Variants in RPS6KC1 observed in about 807,000 individuals in gnomAD.
RPS6KC1 encodes the protein ribosomal protein S6 kinase C1.
RPS6KC1 carries 54 observed loss-of-function variants against 103.8 expected under a neutral mutation model. That is an observed-to-expected ratio of 0.52 (90% CI 0.42 to 0.65). The LOEUF is 0.65. RPS6KC1 is among the 30% of genes least tolerant of loss of function. RPS6KC1 has a pLI of 0.00. For missense variants in RPS6KC1, 1,151 were observed against 1,253.8 expected (o/e 0.92, Z 1.24); for synonymous variants, 439 against 438.7 (o/e 1.00, Z -0.01).
chr1:213,534,045 T>A, the RPS6KC1 span, among the ~76,000 whole-genome samples: 1 of 152,218 alleles, frequency 6.6e-6, no homozygotes, highest in East Asian at 1.9e-4. Flanking sequence ...ATCTTTATGA[T>A]CTCTTTCCAG....
At chr1:213,742,274 C>T in the RPS6KC1 span, among the ~76,000 whole-genome samples, 1 of 152,156 alleles carries the variant, frequency 6.6e-6, no homozygotes, top group Non-Finnish European at 1.5e-5. Context: ...GAGAAAGATC[C>T]ACAGATAATT....
chr1:213,764,484 T>C, the RPS6KC1 span, among the ~76,000 whole-genome samples: 1 of 152,144 alleles, frequency 6.6e-6, no homozygotes, highest in Non-Finnish European at 1.5e-5. Flanking sequence ...GAACAAAAGA[T>C]ACAGGTGAGA....
chr1:213,349,116 AAAG>A, the RPS6KC1 span, among the ~76,000 whole-genome samples: 4 of 152,226 alleles, frequency 2.6e-5, no homozygotes, highest in Non-Finnish European at 5.9e-5. Flanking sequence ...GCTTAGGAAA[AAAG>A]AAGTATCTGC....
chr1:213,605,715 C>T, the RPS6KC1 span, among the ~76,000 whole-genome samples: 1 of 152,214 alleles, frequency 6.6e-6, no homozygotes, highest in South Asian at 2.1e-4. Flanking sequence ...AAGGCAATTT[C>T]CCCAGCCTGG....
the RPS6KC1 span, among the ~76,000 whole-genome samples, chr1:213,806,545 G>T: frequency 2.0e-5 from 3 of 148,528 alleles, no homozygotes; most frequent in African/African-American, 5.0e-5. Context: ...GGCCTTCTTT[G>T]TCTCTTTTGA....
chr1:213,309,630 C>T, the RPS6KC1 span, among the ~76,000 whole-genome samples: 2 of 152,152 alleles, frequency 1.3e-5, no homozygotes, highest in African/African-American at 4.8e-5. Context: ...CCTGCTTTGC[C>T]AATTCTTCTG....
the RPS6KC1 span, among the ~76,000 whole-genome samples, chr1:213,766,706 A>G: frequency 6.6e-6 from 1 of 152,090 alleles, no homozygotes; most frequent in Non-Finnish European, 1.5e-5. Flanking sequence ...TTTCTATAGT[A>G]ATTATGTGTC....
the RPS6KC1 span, among the ~76,000 whole-genome samples, chr1:213,384,118 T>C: frequency 1.3e-5 from 2 of 151,714 alleles, no homozygotes; most frequent in Non-Finnish European, 2.9e-5. Flanking sequence ...CTACTAAAAA[T>C]ACAAAAAATT....
At chr1:213,751,611 G>C in the RPS6KC1 span, among the ~76,000 whole-genome samples, 2 of 152,146 alleles carry the variant, frequency 1.3e-5, no homozygotes, top group Non-Finnish European at 2.9e-5. Flanking sequence ...TAACAGAGCA[G>C]GTGAGTGCCC....
chr1:213,626,578 T>C, the RPS6KC1 span, among the ~76,000 whole-genome samples: 3 of 152,260 alleles, frequency 2.0e-5, no homozygotes, highest in African/African-American at 7.2e-5. Flanking sequence ...TTTAAGTTTT[T>C]AATCCATCTT....
chr1:213,089,287 T>C (rs1202767824), intron 3 of RPS6KC1, among the ~76,000 whole-genome samples: 1 of 152,186 alleles, frequency 6.6e-6, no homozygotes, highest in East Asian at 1.9e-4. Context: ...CTGCCTGCTT[T>C]TGGCCTTTGA....
chr1:213,491,904 G>C, the RPS6KC1 span, among the ~76,000 whole-genome samples: 50,963 of 151,970 alleles, frequency 0.34, 9,189 homozygotes, highest in East Asian at 0.61. Context: ...AGGTTGTCAG[G>C]GGGAAGGTGT....
In RPS6KC1 at chr1:213,241,953, C is replaced by T. The variant is rs573814230; in HGVS notation, c.2477C>T (p.Ser826Leu). The T allele has an allele frequency of 1.1e-5, 18 of 1,614,032 alleles. No homozygotes were observed. In the East Asian group the frequency reaches 3.3e-4, roughly 30 times the overall value. ...ESLFRICSPL[S>L]GANEYIASTD... The stretch of plus-strand genomic sequence containing the variant: ...TTATTCCGTATTTGTAGTCCACTCT[C>T]AGGTGCTAATGAATATATTGCAAGC... Residue 826 changes from serine to leucine, a missense_variant, in exon 11 of 15, where the codon TCA becomes TTA. Physicochemically the swap from Ser to Leu is moderately radical, Grantham distance 145. Around this residue, in one of 3 missense-constraint regions of RPS6KC1, gnomAD observed 959 missense variants for 1,006.3 expected, o/e 0.95. Coordinates refer to ENST00000366960, the MANE Select transcript of RPS6KC1 (RefSeq NM_012424.6).
At chr1:213,203,620 G>A (rs2093243820) in intron 8 of RPS6KC1, among the ~76,000 whole-genome samples, 1 of 151,608 alleles carries the variant, frequency 6.6e-6, no homozygotes, top group African/African-American at 2.4e-5. Flanking sequence ...GAATATACAG[G>A]GGTATTTTCC....
chr1:213,299,724 T>A, the RPS6KC1 span, among the ~76,000 whole-genome samples: 1 of 152,214 alleles, frequency 6.6e-6, no homozygotes, highest in Non-Finnish European at 1.5e-5. Flanking sequence ...ATAGTTCACA[T>A]TCTTTTCTCA....
chr1:213,104,430 G>A (rs1231222191), intron 3 of RPS6KC1, 24 bp from the exon 4 acceptor site: 1 of 1,426,366 alleles, frequency 7.0e-7, no homozygotes, highest in Non-Finnish European at 9.9e-7. Context: ...CTTCCCTTAA[G>A]TGTTGATTCT....
the RPS6KC1 span, among the ~76,000 whole-genome samples, chr1:213,540,138 G>A: frequency 1.3e-5 from 2 of 152,032 alleles, no homozygotes; most frequent in African/African-American, 4.8e-5. Flanking sequence ...GTGAGATGGG[G>A]TTCTTGCTTT....
chr1:213,808,273 C>T, the RPS6KC1 span, among the ~76,000 whole-genome samples: 1 of 152,218 alleles, frequency 6.6e-6, no homozygotes, highest in Non-Finnish European at 1.5e-5. Context: ...CTCAGATCTC[C>T]AGCTACGTGC....
At chr1:213,787,573 GAT>G in the RPS6KC1 span, among the ~76,000 whole-genome samples, 4 of 152,108 alleles carry the variant, frequency 2.6e-5, no homozygotes, top group Non-Finnish European at 2.9e-5. Context: ...AGTACTTATT[GAT>G]GGATTAGATA....
Sources: gnomAD v4.1 joint callset for allele counts (sites outside exome capture counted in the v4.1 genomes callset) on GRCh38, gnomAD v4.1.1 for gene constraint, gnomAD v4.1.1 regional missense constraint, MANE v1.5 for transcripts, NCBI Gene and HGNC (gene_info 2026-07-23, HGNC 2026-07-21) for gene names.